ADGRB3: variants seen among roughly 807,000 people sequenced by gnomAD.
The protein encoded by ADGRB3 is adhesion G protein-coupled receptor B3.
Under a neutral mutation model 193.4 loss-of-function variants are expected in ADGRB3, and 37 were observed. The observed-to-expected ratio is 0.19, with a 90% CI of 0.15 to 0.25. The LOEUF (loss-of-function observed/expected upper bound fraction) is 0.25, where lower values mean the gene tolerates loss of function less well. Ranked by LOEUF, ADGRB3 falls within the 10% of genes least tolerant of loss-of-function variation. ADGRB3 has a pLI of 1.00. For synonymous variants in ADGRB3, 690 were observed against 644.2 expected (o/e 1.07, Z -1.08); for missense variants, 1,637 against 1,852.9 (o/e 0.88, Z 2.14).
intron 17 of ADGRB3, among the ~76,000 whole-genome samples, chr6:69,083,140 A>C (rs1030830749): frequency 6.6e-6 from 1 of 152,220 alleles, no homozygotes; most frequent in Non-Finnish European, 1.5e-5. Flanking sequence ...ATTTAAATCC[A>C]TATCTCCTCA....
At chr6:69,306,702 C>A (rs924636890) in intron 20 of ADGRB3, among the ~76,000 whole-genome samples, 1 of 151,482 alleles carries the variant, frequency 6.6e-6, no homozygotes, top group Non-Finnish European at 1.5e-5. Flanking sequence ...ACAATAATGG[C>A]AAATGGAAAG....
chr6:68,752,018 G>T (rs1165151526), intron 3 of ADGRB3, among the ~76,000 whole-genome samples: 1 of 152,038 alleles, frequency 6.6e-6, no homozygotes, highest in East Asian at 1.9e-4. Context: ...ATCAACTTAT[G>T]TATGATACTG....
At chr6:69,322,632 CTTG>C (rs1768484197) in intron 20 of ADGRB3, among the ~76,000 whole-genome samples, 2 of 151,960 alleles carry the variant, frequency 1.3e-5, no homozygotes, top group Non-Finnish European at 2.9e-5. Flanking sequence ...TTTTCATACA[CTTG>C]TTGGCCGAGT....
At chr6:69,128,417 A>G (rs1561927961) in intron 17 of ADGRB3, among the ~76,000 whole-genome samples, 1 of 152,140 alleles carries the variant, frequency 6.6e-6, no homozygotes, top group African/African-American at 2.4e-5. Context: ...CTGTGACTTG[A>G]AGACAATTAT....
chr6:69,009,243 A>G (rs892781312), intron 11 of ADGRB3, among the ~76,000 whole-genome samples: 1 of 152,100 alleles, frequency 6.6e-6, no homozygotes, highest in Non-Finnish European at 1.5e-5. Flanking sequence ...TTAAAATCCT[A>G]TATACTTCCA....
chr6:68,869,540 G>A (rs1274307903), intron 3 of ADGRB3, among the ~76,000 whole-genome samples: 1 of 152,078 alleles, frequency 6.6e-6, no homozygotes, highest in Non-Finnish European at 1.5e-5. Context: ...ACAAATTTTA[G>A]CAAGCAACAT....
intron 3 of ADGRB3, among the ~76,000 whole-genome samples, chr6:68,769,985 A>G (rs1435989338): frequency 6.6e-6 from 1 of 152,114 alleles, no homozygotes; most frequent in East Asian, 1.9e-4. Flanking sequence ...GGCATGGCAT[A>G]TTGTTATGCT....
rs374424396 is a variant in ADGRB3 at position 69,201,568 on chromosome 6, A to C, written c.2481-31722A>C. Among the ~76,000 whole-genome samples the C allele has an allele frequency of 1.2e-3, 187 of 152,050 alleles. 2 individuals carry two copies. The South Asian group carries it at 0.031, about 25-fold the overall frequency. ...TGGGTTTTGCTTCATTCTCTTCTAT[A>C]TACTTACATTTTATTGATTCAAAAT... On this transcript the variant is annotated intron_variant, in intron 17 of 31. Coordinates refer to ENST00000370598, the MANE Select transcript of ADGRB3 (RefSeq NM_001704.3).
intron 3 of ADGRB3, among the ~76,000 whole-genome samples, chr6:68,888,108 G>T (rs1465716577): frequency 6.6e-6 from 1 of 152,074 alleles, no homozygotes; most frequent in Non-Finnish European, 1.5e-5. Flanking sequence ...AAAAGTAAAG[G>T]ATGAGGGACA....
At chr6:68,873,692 G>C (rs970367367) in intron 3 of ADGRB3, among the ~76,000 whole-genome samples, 1 of 152,074 alleles carries the variant, frequency 6.6e-6, no homozygotes, top group Non-Finnish European at 1.5e-5. Flanking sequence ...ACAATGAAAA[G>C]TGTACGATAT....
intron 17 of ADGRB3, among the ~76,000 whole-genome samples, chr6:69,103,756 T>C (rs1773132353): frequency 6.6e-6 from 1 of 150,486 alleles, no homozygotes; most frequent in African/African-American, 2.4e-5. Flanking sequence ...GTGTAAAATA[T>C]ATTTGTTATT....
chr6:68,880,747 A>G (rs570988837), intron 3 of ADGRB3, among the ~76,000 whole-genome samples: 1 of 146,742 alleles, frequency 6.8e-6, no homozygotes, highest in Admixed American at 6.9e-5. Context: ...AAAAAAGCCA[A>G]CAGAGCTATT....
intron 17 of ADGRB3, among the ~76,000 whole-genome samples, chr6:69,171,988 G>A (rs1397074189): frequency 6.6e-6 from 1 of 152,138 alleles, no homozygotes; most frequent in Non-Finnish European, 1.5e-5. Context: ...TATTACATAT[G>A]TCTTCCTGGA....
At chr6:68,840,313 C>G (rs1475154209) in intron 3 of ADGRB3, among the ~76,000 whole-genome samples, 2 of 142,064 alleles carry the variant, frequency 1.4e-5, no homozygotes, top group African/African-American at 2.7e-5. Flanking sequence ...CTTTGTCTTG[C>G]AACTTAGATA....
At chr6:68,778,620 T>C (rs185784933) in intron 3 of ADGRB3, among the ~76,000 whole-genome samples, 8 of 152,266 alleles carry the variant, frequency 5.3e-5, no homozygotes, top group Admixed American at 5.2e-4. Flanking sequence ...GTTTGCTTTT[T>C]TCTGAACTTT....
At chr6:68,645,938 G>C (rs1052649189) in intron 3 of ADGRB3, among the ~76,000 whole-genome samples, 26 of 152,008 alleles carry the variant, frequency 1.7e-4, no homozygotes, top group Middle Eastern at 3.4e-3. Context: ...CCTCCCAAGT[G>C]CTAGGATTAC....
chr6:68,956,520 G>C, intron 7 of ADGRB3, 125 bp from the exon 8 acceptor site: 1 of 1,242,406 alleles, frequency 8.0e-7, no homozygotes, highest in Admixed American at 2.1e-5. Context: ...TTAAATATTT[G>C]AATAAGGTTT....
At chr6:69,109,893 C>G (rs1773322287) in intron 17 of ADGRB3, among the ~76,000 whole-genome samples, 1 of 151,552 alleles carries the variant, frequency 6.6e-6, no homozygotes, top group Non-Finnish European at 1.5e-5. Context: ...AATTAATAGC[C>G]ATGATACTTC....
chr6:68,677,428 C>G (rs567476540), intron 3 of ADGRB3, among the ~76,000 whole-genome samples: 1 of 151,656 alleles, frequency 6.6e-6, no homozygotes, highest in Non-Finnish European at 1.5e-5. Context: ...ATTATACAGT[C>G]TTTCTTTCCC....
Sources: allele counts gnomAD v4.1 joint callset (sites outside exome capture counted in the v4.1 genomes callset), GRCh38; gene constraint gnomAD v4.1.1; transcripts MANE v1.5; gene names NCBI Gene and HGNC (gene_info 2026-07-23, HGNC 2026-07-21).